MYO3A: variants seen among roughly 807,000 people sequenced by gnomAD.
The protein encoded by MYO3A is myosin IIIA, also known as myosin-IIIa.
MYO3A carries 180 observed loss-of-function variants against 192.7 expected under a neutral mutation model. The observed-to-expected ratio is 0.93, with a 90% CI of 0.83 to 1.06. The LOEUF (loss-of-function observed/expected upper bound fraction) is 1.06, where lower values mean the gene tolerates loss of function less well. Ranked by LOEUF, MYO3A falls within the 50% of genes least tolerant of loss-of-function variation. The pLI is 0.00. For synonymous variants in MYO3A, 628 were observed against 645.3 expected (o/e 0.97, Z 0.41); for missense variants, 1,896 against 1,905.0 (o/e 1.00, Z 0.09).
At chr10:26,185,916 G>A (rs972935257) in intron 31 of MYO3A, among the ~76,000 whole-genome samples, 2 of 152,072 alleles carry the variant, frequency 1.3e-5, no homozygotes, top group African/African-American at 2.4e-5. Context: ...ACCTTTGCAG[G>A]AATCCCTGCA....
chr10:26,197,565 T>A (rs76971640), intron 32 of MYO3A, among the ~76,000 whole-genome samples: 5 of 151,778 alleles, frequency 3.3e-5, no homozygotes, highest in African/African-American at 1.2e-4. Flanking sequence ...TTTGTTGTTG[T>A]TGGTGGTGGT....
At chr10:26,084,398 T>C (rs916587757) in intron 14 of MYO3A, among the ~76,000 whole-genome samples, 9 of 152,290 alleles carry the variant, frequency 5.9e-5, no homozygotes, top group African/African-American at 1.2e-4. Context: ...TGGCCTGTGG[T>C]TTTCTTTTCT....
At chr10:26,151,799 A>T (rs1326133205) in intron 23 of MYO3A, among the ~76,000 whole-genome samples, 1 of 152,238 alleles carries the variant, frequency 6.6e-6, no homozygotes, top group Non-Finnish European at 1.5e-5. Context: ...ACACTTCTCC[A>T]GGCAGAAAGC....
At chr10:25,989,057 C>A (rs953093706) in intron 4 of MYO3A, among the ~76,000 whole-genome samples, 1 of 150,624 alleles carries the variant, frequency 6.6e-6, no homozygotes, top group Non-Finnish European at 1.5e-5. Flanking sequence ...AATCCTGCCT[C>A]AGCCTACCAA....
Position 26,143,432 on chromosome 10 carries a change from T to C in MYO3A, c.2263-16T>C, listed in dbSNP as rs1840280417. The C allele has an allele frequency of 6.2e-7, 1 of 1,602,438 alleles. No individual in the cohort carries two copies. The highest frequency in any genetic ancestry group is 8.5e-7 in the Non-Finnish European group (1 of 1,169,696). ...TATATTATTCACAGTTTTAAGTGGT[T>C]TTGTCTTTATTATAGAATGAATACC... On this transcript the variant is annotated splice_polypyrimidine_tract_variant and intron_variant, in intron 20 of 34. Transcript: ENST00000642920.
At chr10:26,102,677 G>T (rs1347347333) in intron 17 of MYO3A, among the ~76,000 whole-genome samples, 1 of 152,212 alleles carries the variant, frequency 6.6e-6, no homozygotes, top group African/African-American at 2.4e-5. Context: ...TCCAGACCCT[G>T]TTTGTCTGGG....
chr10:25,958,726 A>G (rs944471666), intron 4 of MYO3A, among the ~76,000 whole-genome samples: 1 of 152,218 alleles, frequency 6.6e-6, no homozygotes, highest in African/African-American at 2.4e-5. Context: ...ATCCATGAGC[A>G]TGGAATGTTT....
rs200079299 is a variant in MYO3A, at chr10:26,193,250, G to A, written c.4484G>A (p.Arg1495Gln). 47 of 1,613,754 alleles carry A rather than the reference G, an allele frequency of 2.9e-5. No homozygotes were observed. In the East Asian group the frequency reaches 7.4e-4, roughly 25 times the overall value. ...EEPKILRPPRRPRKPKTLNNP... is the reference protein window; with the variant it reads ...EEPKILRPPRQPRKPKTLNNP... ...CCAAAAATATTGAGACCCCCAAGACGACCCCGGAAACCCAAAACATTAAAT... is the reference window on the plus strand; with the variant it reads ...CCAAAAATATTGAGACCCCCAAGACAACCCCGGAAACCCAAAACATTAAAT... Residue 1495 changes from arginine to glutamine, a missense_variant, in exon 32 of 35, where the codon CGA becomes CAA. Transcript: ENST00000642920.
chr10:25,990,730 C>G (rs893151973), intron 4 of MYO3A, among the ~76,000 whole-genome samples: 4 of 139,248 alleles, frequency 2.9e-5, no homozygotes, highest in Admixed American at 8.4e-5. Context: ...TCTCATTGTT[C>G]AATTCTTACC....
intron 32 of MYO3A, among the ~76,000 whole-genome samples, chr10:26,197,999 T>A (rs16926667): frequency 0.16 from 25,002 of 152,240 alleles, 2,659 homozygotes; most frequent in African/African-American, 0.3. Flanking sequence ...CTGTGCTGCT[T>A]ACATCGTAAC....
At chr10:26,086,156 G>A (rs1355703813) in intron 14 of MYO3A, among the ~76,000 whole-genome samples, 1 of 152,090 alleles carries the variant, frequency 6.6e-6, no homozygotes, top group East Asian at 1.9e-4. Flanking sequence ...GGCTGGGAAG[G>A]CCTCAAAAAA....
At chr10:26,047,495 C>T (rs58129501) in intron 10 of MYO3A, among the ~76,000 whole-genome samples, 24,679 of 152,060 alleles carry the variant, frequency 0.16, 2,269 homozygotes, top group Non-Finnish European at 0.21. Context: ...CATTTCCGGC[C>T]GGGCACAGTG....
intron 20 of MYO3A, among the ~76,000 whole-genome samples, chr10:26,130,803 T>C (rs570625016): frequency 2.0e-5 from 3 of 152,236 alleles, no homozygotes; most frequent in Non-Finnish European, 4.4e-5. Flanking sequence ...TTGTTTTTTC[T>C]TTCTAACTCC....
intron 4 of MYO3A, among the ~76,000 whole-genome samples, chr10:25,985,161 C>T (rs1016762204): frequency 8.6e-5 from 13 of 150,432 alleles, no homozygotes; most frequent in Admixed American, 2.0e-4. Context: ...TTACTTGAAC[C>T]GCGGAGGCAG....
intron 14 of MYO3A, among the ~76,000 whole-genome samples, chr10:26,077,244 T>TG (rs1013504106): frequency 1.4e-5 from 2 of 141,104 alleles, no homozygotes; most frequent in African/African-American, 2.7e-5. Context: ...TTTTTTTTTT[T>TG]TTTTTTTTTT....
chr10:26,037,651 A>G (rs775388048), intron 10 of MYO3A, among the ~76,000 whole-genome samples: 1 of 152,162 alleles, frequency 6.6e-6, no homozygotes, highest in Admixed American at 6.5e-5. Context: ...ACACTGCTCT[A>G]AAGAACTACC....
rs115003596 is a variant in MYO3A, at chr10:26,087,578, A to C, written c.1360-625A>C. ...TGGCTATTAACCCAAATAAATTTCT[A>C]CTCAGTAGAATTTCAACTGAAGTGG... is the stretch of plus-strand genomic sequence containing the variant. On this transcript the variant is annotated intron_variant, in intron 14 of 34. Coordinates refer to ENST00000642920, the MANE Select transcript of MYO3A (RefSeq NM_017433.5). Among the ~76,000 whole-genome samples the C allele has an allele frequency of 8.8e-3, 1,337 of 152,256 alleles. 18 individuals are homozygous for C. The highest frequency in any genetic ancestry group is 0.029 in the African/African-American group (1,211 of 41,530).
chr10:25,942,852 T>C (rs1238382194), intron 2 of MYO3A, among the ~76,000 whole-genome samples: 1 of 152,016 alleles, frequency 6.6e-6, no homozygotes, highest in African/African-American at 2.4e-5. Flanking sequence ...TTATCAGATA[T>C]ATGATTTGCA....
Position 26,212,150 on chromosome 10 carries a change from T to C in MYO3A, c.*187T>C, listed in dbSNP as rs966950972. 4.5e-6 allele frequency: 4 copies of C among 879,826 alleles called. No individual in the cohort carries two copies. Among genetic ancestry groups the C allele is most frequent in the Non-Finnish European group, 6.6e-6 (4 of 606,074 alleles). 54.5% of individuals were successfully genotyped at this position (879,826 alleles called of 1,614,324 possible). ...CCTTCGTGCTCCGAAACAAGAGACC[T>C]GGGAGCCCTCGGGAAACCTCCCCCG... On this transcript the variant is annotated 3_prime_UTR_variant, in exon 35 of 35. Transcript: ENST00000642920.
Sources: gnomAD v4.1 joint callset for allele counts (sites outside exome capture counted in the v4.1 genomes callset) on GRCh38, gnomAD v4.1.1 for gene constraint, MANE v1.5 for transcripts, NCBI Gene and HGNC (gene_info 2026-07-23, HGNC 2026-07-21) for gene names.